The following ZNF683 variants were observed in gnomAD, a reference collection of about 807,000 sequenced individuals.
ZNF683 encodes the protein zinc finger protein 683.
Under a neutral mutation model 31.4 loss-of-function variants are expected in ZNF683, and 20 were observed. The observed-to-expected ratio is 0.64, with a 90% CI of 0.45 to 0.93. The LOEUF (loss-of-function observed/expected upper bound fraction) is 0.93, where lower values mean the gene tolerates loss of function less well. Among genes scored for constraint, ZNF683 ranks in the 40% least tolerant of loss-of-function variants. ZNF683 has a pLI of 0.00. For synonymous variants in ZNF683, 264 were observed against 267.6 expected, an observed-to-expected ratio of 0.99 and a Z score of 0.13; for missense variants, 621 against 637.2, an observed-to-expected ratio of 0.97 and a Z score of 0.27.
upstream of ZNF683, chr1:26,374,159 A>G: frequency 9.4e-7 from 1 of 1,061,608 alleles, no homozygotes; most frequent in Non-Finnish European, 1.3e-6. Context: ...CCTAAAAGGA[A>G]GAGCCCTCTC....
At position 26,367,689 on chromosome 1, in the gene ZNF683, C is replaced by A. The variant is rs778540281; in HGVS notation, c.223G>T (p.Ala75Ser). The change falls in exon 3 of 6, where the codon GCC (alanine) becomes TCC (serine). Residue 75 changes from alanine (A) to serine (S), a missense_variant. Physicochemically the swap from Ala to Ser is moderately conservative, Grantham distance 99. Coordinates refer to ENST00000349618, the MANE Select transcript of ZNF683 (RefSeq NM_001114759.3). ...PLAPGRSALL[A>S]CLQDLDLNLC... The stretch of plus-strand genomic sequence containing the variant: ...TTCAGGTCCAGGTCCTGTAGGCAGG[C>A]CAGCAGTGCAGACCTGCCCGGTGCC... 1 of 1,612,582 alleles carries A rather than the reference C, an allele frequency of 6.2e-7. No homozygotes were observed. The highest frequency in any genetic ancestry group is 8.5e-7 in the Non-Finnish European group (1 of 1,179,588).
intron 1 of ZNF683, chr1:26,372,357 C>A: frequency 1.5e-6 from 1 of 678,184 alleles, no homozygotes; most frequent in Non-Finnish European, 2.2e-6. Flanking sequence ...TTTTTTTGGA[C>A]GCCCAGCCTC....
At chr1:26,366,154 T>C (rs767877267) in intron 3 of ZNF683, among the ~76,000 whole-genome samples, 6 of 152,046 alleles carry the variant, frequency 3.9e-5, no homozygotes, top group Non-Finnish European at 8.8e-5. Context: ...CACTCCAGCC[T>C]GGGCAACAAA....
upstream of ZNF683, among the ~76,000 whole-genome samples, chr1:26,373,909 A>G (rs961602692): frequency 6.6e-6 from 1 of 152,144 alleles, no homozygotes; most frequent in African/African-American, 2.4e-5. Flanking sequence ...GGTGGATTTT[A>G]TTATTAGCAG....
Position 26,367,662 on chromosome 1 carries a change from G to C in ZNF683, c.250C>G (p.Leu84Val). 2.5e-6 allele frequency: 4 copies of C among 1,612,828 alleles called. No homozygotes were observed. Among genetic ancestry groups the C allele is most frequent in the Non-Finnish European group, 3.4e-6 (4 of 1,179,718 alleles). Residue 84 changes from leucine (L) to valine (V), a missense_variant, in exon 3 of 6, where the codon CTG becomes GTG. Physicochemically the swap from Leu to Val is conservative, Grantham distance 32. Coordinates refer to ENST00000349618, the MANE Select transcript of ZNF683 (RefSeq NM_001114759.3). ...LACLQDLDLNLCTPQPAPLGT... is the reference protein window; with the variant it reads ...LACLQDLDLNVCTPQPAPLGT... ...AGGGGTGCCGGCTGTGGGGTGCACA[G>C]GTTCAGGTCCAGGTCCTGTAGGCAG...
rs2074558232 is a variant in ZNF683 at position 26,367,674 on chromosome 1, G to C, written c.238C>G (p.Leu80Val). 1 of 1,612,798 alleles carries C rather than the reference G, an allele frequency of 6.2e-7. No homozygotes were observed. Residue 80 changes from leucine to valine, a missense_variant, in exon 3 of 6, where the codon CTG becomes GTG. Transcript: ENST00000349618. ...RSALLACLQD[L>V]DLNLCTPQPA... ...TGTGGGGTGCACAGGTTCAGGTCCA[G>C]GTCCTGTAGGCAGGCCAGCAGTGCA...
At chr1:26,374,277 C>T (rs1426220270), upstream of ZNF683, 3 of 1,304,266 alleles carry the variant, frequency 2.3e-6, no homozygotes, top group Admixed American at 4.6e-5. Context: ...TCCCCACACA[C>T]CTTTGGCTTC....
Position 26,372,683 on chromosome 1 carries a change from G to A in ZNF683, c.-29C>T. Reference sequence around the variant, plus strand: ...TCCCAACCTACTCTGGTGATCATGGGCTTTCCTTGGCTTGGGTCTCTGGTC... The same window carrying A: ...TCCCAACCTACTCTGGTGATCATGGACTTTCCTTGGCTTGGGTCTCTGGTC... On this transcript the variant is annotated 5_prime_UTR_variant, in exon 1 of 6. Transcript: ENST00000349618. 7.8e-7 allele frequency: 1 copy of A among 1,286,244 alleles called. No homozygotes were observed. The highest frequency in any genetic ancestry group is 1.0e-6 in the Non-Finnish European group (1 of 981,224). The allele number at this position is 1,286,244 out of a possible 1,614,324, so 79.7% of individuals were successfully genotyped here.
intron 1 of ZNF683, chr1:26,370,598 C>G: frequency 1.0e-6 from 1 of 961,374 alleles, no homozygotes; most frequent in South Asian, 4.8e-5. Context: ...TTTCCTCACT[C>G]CTCCCAACGC....
Position 26,368,506 on chromosome 1 carries a change from C to A in ZNF683, c.66G>T (p.Gly22=). Residue 22 remains glycine, a synonymous_variant, in exon 2 of 6, where the codon GGG becomes GGT. Transcript: ENST00000349618. ...CHRPMALGGT[G]GSLSPSLDFQ... is the part of the protein sequence containing the mutation. ...AGTCCAGGCTGGGGGACAGGGAGCC[C>A]CCTGTACCTCCCAGGGCCATGGGCC... 6.2e-7 allele frequency: 1 copy of A among 1,605,300 alleles called. No homozygotes were observed. The highest frequency in any genetic ancestry group is 8.5e-7 in the Non-Finnish European group (1 of 1,175,918).
chr1:26,370,014 A>G (rs1056572325), intron 1 of ZNF683, among the ~76,000 whole-genome samples: 2 of 152,090 alleles, frequency 1.3e-5, no homozygotes, highest in Non-Finnish European at 2.9e-5. Flanking sequence ...CAATCAATCA[A>G]TCAATCAATG....
rs376151258 is a variant in ZNF683 at position 26,364,868 on chromosome 1, G to A, written c.678C>T (p.Pro226=). 5.1e-5 allele frequency: 79 copies of A among 1,552,816 alleles called. No homozygotes were observed. The highest frequency in any genetic ancestry group is 1.7e-4 in the Middle Eastern group (1 of 5,762). Residue 226 remains proline (P), a synonymous_variant, in exon 4 of 6, where the codon CCC becomes CCT. Transcript: ENST00000349618. ...CPHLLMLPQD[P]SYPTMAMPSL... ...TAGGCATAGCCATGGTGGGGTAGGA[G>A]GGGTCTTGGGGCAGCATGAGGAGGT... is the stretch of plus-strand genomic sequence containing the variant.
chr1:26,374,012 C>A (rs931522747), upstream of ZNF683, among the ~76,000 whole-genome samples: 3 of 151,720 alleles, frequency 2.0e-5, no homozygotes, highest in Non-Finnish European at 4.4e-5. Flanking sequence ...TCCCCCACTA[C>A]GACAGCCACC....
intron 1 of ZNF683, chr1:26,370,606 C>G: frequency 1.0e-6 from 1 of 969,036 alleles, no homozygotes. Flanking sequence ...CTCCTCCCAA[C>G]GCTGCTTCAG....
chr1:26,365,549 C>T (rs1484434044), intron 3 of ZNF683, among the ~76,000 whole-genome samples: 1 of 152,184 alleles, frequency 6.6e-6, no homozygotes, highest in Non-Finnish European at 1.5e-5. Flanking sequence ...AAATGGCAGC[C>T]ACTGGATGCA....
At chr1:26,374,466 A>G (rs2074723097), upstream of ZNF683, 12 of 1,125,322 alleles carry the variant, frequency 1.1e-5, no homozygotes, top group South Asian at 4.7e-5. Context: ...GGCTGAGGAC[A>G]GACTCCCTCA....
chr1:26,362,231 C>T, intron 5 of ZNF683: 1 of 1,532,844 alleles, frequency 6.5e-7, no homozygotes, highest in South Asian at 1.2e-5. Flanking sequence ...CATGTGTGAC[C>T]TTGTAAAAGT....
At position 26,364,520 on chromosome 1, in the gene ZNF683, G is replaced by A; in HGVS notation, c.1014+12C>T. 1 of 1,613,588 alleles carries A rather than the reference G, an allele frequency of 6.2e-7. No individual in the cohort carries two copies. Among genetic ancestry groups the A allele is most frequent in the Non-Finnish European group, 8.5e-7 (1 of 1,179,740 alleles). ...ATGTTGAGGGGAGAAGCAGAGCCCAGGAGGCAGATACCTTGAGATTGGAGA... is the reference window on the plus strand; with the variant it reads ...ATGTTGAGGGGAGAAGCAGAGCCCAAGAGGCAGATACCTTGAGATTGGAGA... On this transcript the variant is annotated intron_variant, in intron 4 of 5. Transcript: ENST00000349618.
upstream of ZNF683, among the ~76,000 whole-genome samples, chr1:26,374,114 G>A (rs555903372): frequency 6.6e-5 from 10 of 151,486 alleles, no homozygotes; most frequent in Non-Finnish European, 8.8e-5. Context: ...ATCCTTCAGC[G>A]TAATGGAGGG....
Sources: allele counts gnomAD v4.1 joint callset (sites outside exome capture counted in the v4.1 genomes callset), GRCh38; gene constraint gnomAD v4.1.1; transcripts MANE v1.5; gene names NCBI Gene and HGNC (gene_info 2026-07-23, HGNC 2026-07-21).